The following ZFR variants were observed in gnomAD, a reference collection of about 807,000 sequenced individuals.
ZFR encodes the protein zinc finger RNA binding protein.
In ZFR, 19 loss-of-function variants were observed where a neutral mutation model predicts 130.7. The observed-to-expected ratio is 0.15, with a 90% CI of 0.10 to 0.21. The LOEUF (loss-of-function observed/expected upper bound fraction) is 0.21. Ranked by LOEUF, ZFR falls within the 10% of genes least tolerant of loss-of-function variation. The pLI is 1.00. For synonymous variants in ZFR, 466 were observed against 456.9 expected (o/e 1.02, Z -0.25); for missense variants, 872 against 1,321.5 (o/e 0.66, Z 5.27).
intron 3 of ZFR, among the ~76,000 whole-genome samples, 197 bp from the exon 4 acceptor site, chr5:32,417,989 G>A (rs377277981): frequency 3.3e-5 from 5 of 152,228 alleles, no homozygotes; most frequent in East Asian, 3.9e-4. Flanking sequence ...GGCTGGGTGC[G>A]GTGGCTCACG....
At chr5:32,390,898 T>C (rs1350003061) in intron 11 of ZFR, among the ~76,000 whole-genome samples, 1 of 152,202 alleles carries the variant, frequency 6.6e-6, no homozygotes, top group African/African-American at 2.4e-5. Context: ...AGTCTTACTG[T>C]TGGGGACACA....
chr5:32,413,054 T>C (rs969471578), intron 5 of ZFR, among the ~76,000 whole-genome samples: 7 of 152,054 alleles, frequency 4.6e-5, no homozygotes, highest in Non-Finnish European at 8.8e-5. Flanking sequence ...CCAGGCGTGG[T>C]GGCGCACGCT....
chr5:32,424,413 C>G (rs540221877), intron 2 of ZFR, among the ~76,000 whole-genome samples: 1 of 151,962 alleles, frequency 6.6e-6, no homozygotes, highest in Non-Finnish European at 1.5e-5. Flanking sequence ...CACCTGTAGT[C>G]CCGGCTACTC....
chr5:32,371,045 T>C (rs1406868894), intron 17 of ZFR, among the ~76,000 whole-genome samples: 1 of 152,194 alleles, frequency 6.6e-6, no homozygotes, highest in Non-Finnish European at 1.5e-5. Flanking sequence ...AGACAGAAAC[T>C]GAAGATCTCT....
At chr5:32,382,451 G>A (rs913298993) in intron 15 of ZFR, among the ~76,000 whole-genome samples, 6 of 152,190 alleles carry the variant, frequency 3.9e-5, no homozygotes, top group Admixed American at 6.5e-5. Context: ...ATGCAAATAG[G>A]TGACAATGTG....
intron 19 of ZFR, among the ~76,000 whole-genome samples, chr5:32,363,305 G>T (rs1561857626): frequency 6.6e-6 from 1 of 152,032 alleles, no homozygotes; most frequent in Non-Finnish European, 1.5e-5. Flanking sequence ...CATTCATTAG[G>T]TTCAATGTTT....
intron 5 of ZFR, among the ~76,000 whole-genome samples, chr5:32,408,815 T>C (rs961539196): frequency 6.6e-6 from 1 of 152,256 alleles, no homozygotes; most frequent in African/African-American, 2.4e-5. Flanking sequence ...TCTATTTTCA[T>C]TTCAGATGTT....
intron 19 of ZFR, among the ~76,000 whole-genome samples, chr5:32,357,474 C>G (rs889559591): frequency 6.6e-6 from 1 of 152,160 alleles, no homozygotes; most frequent in African/African-American, 2.4e-5. Context: ...CCATGTTGGC[C>G]AGGCTGGTCT....
At chr5:32,393,935 T>C (rs1753238265) in intron 11 of ZFR, among the ~76,000 whole-genome samples, 1 of 152,080 alleles carries the variant, frequency 6.6e-6, no homozygotes, top group Non-Finnish European at 1.5e-5. Context: ...ATAACTATAA[T>C]AAGGAAACAC....
Position 32,354,957 on chromosome 5 carries a change from G to A in ZFR, c.*803C>T, listed in dbSNP as rs766564169. The A allele has an allele frequency of 2.6e-5, 4 of 152,250 alleles. No individual in the cohort carries two copies. The highest frequency in any genetic ancestry group is 3.4e-3 in the Middle Eastern group (1 of 294). 9.4% of individuals were successfully genotyped at this position (152,250 alleles called of 1,614,324 possible). A position where few individuals can be genotyped will look rare whatever the true frequency, so the allele number is the denominator to read the frequency against. The stretch of plus-strand genomic sequence containing the variant: ...AAAAGTCAACTGTACAAAGATCTAC[G>A]TGTTAAACCTAAAATTATGATTTTA... On this transcript the variant is annotated 3_prime_UTR_variant, in exon 20 of 20. Transcript: ENST00000265069.
intron 19 of ZFR, among the ~76,000 whole-genome samples, chr5:32,356,447 C>T (rs1752309670): frequency 6.6e-6 from 1 of 152,174 alleles, no homozygotes; most frequent in Non-Finnish European, 1.5e-5. Context: ...GAGTCTCGCT[C>T]TGTTGCCCAG....
At chr5:32,444,474 C>T (rs1422977165) in intron 1 of ZFR, 146 bp from the exon 2 acceptor site, 51 of 1,291,292 alleles carry the variant, frequency 3.9e-5, no homozygotes, top group Middle Eastern at 5.5e-4. Context: ...CCGCCTCCCC[C>T]TCCCGCCTCG....
intron 15 of ZFR, among the ~76,000 whole-genome samples, chr5:32,381,363 C>T (rs1005758122): frequency 6.6e-6 from 1 of 152,064 alleles, no homozygotes; most frequent in Non-Finnish European, 1.5e-5. Context: ...TATTAGTAAG[C>T]AAATGGCAAT....
intron 2 of ZFR, among the ~76,000 whole-genome samples, chr5:32,443,818 A>T (rs1014250889): frequency 2.0e-4 from 30 of 152,342 alleles, no homozygotes; most frequent in African/African-American, 7.0e-4. Context: ...AGGTCCCTTC[A>T]GCCACCCTCT....
chr5:32,399,100 C>G (rs1316476916), intron 9 of ZFR, among the ~76,000 whole-genome samples: 1 of 151,804 alleles, frequency 6.6e-6, no homozygotes, highest in Non-Finnish European at 1.5e-5. Context: ...ATAGTGAAAC[C>G]CCATCTACTA....
chr5:32,385,290 C>A (rs550091264), intron 15 of ZFR, among the ~76,000 whole-genome samples: 8 of 151,962 alleles, frequency 5.3e-5, no homozygotes, highest in South Asian at 4.2e-4. Flanking sequence ...TCAAGAAAAT[C>A]AATCATACCA....
chr5:32,395,384 A>G, intron 10 of ZFR, 80 bp from the exon 11 acceptor site: 1 of 1,180,742 alleles, frequency 8.5e-7, no homozygotes, highest in East Asian at 2.9e-5. Flanking sequence ...AATTACACTT[A>G]TTCTTTAATC....
intron 2 of ZFR, among the ~76,000 whole-genome samples, chr5:32,420,622 T>C (rs1206370171): frequency 6.6e-6 from 1 of 152,206 alleles, no homozygotes; most frequent in Admixed American, 6.5e-5. Flanking sequence ...CAGTTGGTAT[T>C]CAACTGGGGG....
intron 17 of ZFR, among the ~76,000 whole-genome samples, chr5:32,372,964 T>A (rs1752710040): frequency 6.6e-6 from 1 of 152,186 alleles, no homozygotes; most frequent in Non-Finnish European, 1.5e-5. Flanking sequence ...AAATTGAACA[T>A]ATATTAGGCA....
Sources: gnomAD v4.1 joint callset for allele counts (sites outside exome capture counted in the v4.1 genomes callset) on GRCh38, gnomAD v4.1.1 for gene constraint, MANE v1.5 for transcripts, NCBI Gene and HGNC (gene_info 2026-07-23, HGNC 2026-07-21) for gene names.